Variants in DIS3L2 observed in about 807,000 individuals in gnomAD.
DIS3L2 encodes DIS3 like 3'-5' exoribonuclease 2.
DIS3L2 carries 34 observed loss-of-function variants against 97.5 expected under a neutral mutation model. The ratio of observed to expected loss-of-function variants is 0.35; its 90% CI spans 0.27 to 0.46. DIS3L2 has a LOEUF of 0.46. Ranked by LOEUF, DIS3L2 falls within the 20% of genes least tolerant of loss-of-function variation. The pLI is 1.00. For missense variants in DIS3L2, 1,038 were observed against 1,146.0 expected, an observed-to-expected ratio of 0.91 and a Z score of 1.36; for synonymous variants, 435 against 445.2, an observed-to-expected ratio of 0.98 and a Z score of 0.29.
At chr2:232,204,440 T>G (rs1691975753) in intron 9 of DIS3L2, among the ~76,000 whole-genome samples, 1 of 152,222 alleles carries the variant, frequency 6.6e-6, no homozygotes. Context: ...AGAAGTTTTC[T>G]GTCTCTTTAA....
rs114423043 is a variant in DIS3L2 at position 232,049,705 on chromosome 2, A to T, written c.366+19625A>T. On this transcript the variant is annotated intron_variant, in intron 5 of 20. Coordinates refer to ENST00000325385, the MANE Select transcript of DIS3L2 (RefSeq NM_152383.5). ...GATCAAATTTGCATTTATTTCTTTA[A>T]CTTTTACTTTTTGGTTTTCCATTTC... Among the ~76,000 whole-genome samples, 427 of 152,312 alleles carry T rather than the reference A, an allele frequency of 2.8e-3. 1 individual carries two copies. The highest frequency in any genetic ancestry group is 4.7e-3 in the Non-Finnish European group (317 of 68,024).
At chr2:232,017,339 T>A (rs1694384770) in intron 3 of DIS3L2, among the ~76,000 whole-genome samples, 2 of 152,146 alleles carry the variant, frequency 1.3e-5, no homozygotes, top group African/African-American at 4.8e-5. Flanking sequence ...CCTCAAGTGA[T>A]CCTCCTGCCT....
intron 4 of DIS3L2, among the ~76,000 whole-genome samples, chr2:232,024,579 C>T (rs1694607691): frequency 6.6e-6 from 1 of 152,182 alleles, no homozygotes; most frequent in South Asian, 2.1e-4. Context: ...CAGCTGGACC[C>T]AGGCAGACTA....
rs1695973827 is a variant in DIS3L2 at position 232,336,858 on chromosome 2, C to T, written c.*228C>T. ...CAGCAGTGACCCCAGCAGAGCAGGC[C>T]CCAGTCCTCCTGGGAGGCTGGCCCC... On this transcript the variant is annotated 3_prime_UTR_variant, in exon 21 of 21. Transcript: ENST00000325385. The T allele has an allele frequency of 7.3e-7, 1 of 1,367,052 alleles. No individual in the cohort carries two copies. The highest frequency in any genetic ancestry group is 3.0e-5 in the East Asian group (1 of 33,442). The allele number at this position is 1,367,052 out of a possible 1,614,324, so 84.7% of individuals were successfully genotyped here.
At chr2:232,287,800 C>T (rs972651321) in intron 13 of DIS3L2, among the ~76,000 whole-genome samples, 1 of 152,144 alleles carries the variant, frequency 6.6e-6, no homozygotes, top group Non-Finnish European at 1.5e-5. Flanking sequence ...CTTCACAATA[C>T]GCGTGGGTTC....
chr2:232,263,507 G>T, intron 13 of DIS3L2, 67 bp downstream of exon 13: 2 of 1,478,216 alleles, frequency 1.4e-6, no homozygotes, highest in South Asian at 1.2e-5. Context: ...GTGGATGAGC[G>T]CAGCTTGGCA....
At chr2:232,114,334 C>T (rs141256506) in intron 6 of DIS3L2, among the ~76,000 whole-genome samples, 85 of 151,464 alleles carry the variant, frequency 5.6e-4, no homozygotes, top group African/African-American at 1.5e-3. Context: ...CATGGTTCCA[C>T]GGCAGATCTG....
chr2:232,139,010 A>G (rs988181439), intron 8 of DIS3L2, among the ~76,000 whole-genome samples: 2 of 152,216 alleles, frequency 1.3e-5, no homozygotes, highest in African/African-American at 4.8e-5. Context: ...CAAGTTATGG[A>G]TTCGTTACTT....
chr2:232,270,025 A>G (rs1045501592), intron 13 of DIS3L2, among the ~76,000 whole-genome samples: 3 of 152,026 alleles, frequency 2.0e-5, no homozygotes, highest in Non-Finnish European at 4.4e-5. Context: ...TAGCAAATTG[A>G]CTCTCTTGAT....
intron 4 of DIS3L2, among the ~76,000 whole-genome samples, chr2:232,027,069 ACATT>A (rs1694679891): frequency 6.6e-6 from 1 of 152,192 alleles, no homozygotes; most frequent in Non-Finnish European, 1.5e-5. Flanking sequence ...GAACAGTCCT[ACATT>A]CTTGCTTTGT....
At chr2:232,230,670 T>C (rs1363328395) in intron 10 of DIS3L2, among the ~76,000 whole-genome samples, 1 of 152,218 alleles carries the variant, frequency 6.6e-6, no homozygotes, top group East Asian at 1.9e-4. Context: ...ATGGCATTAA[T>C]AGAGCCATGG....
intron 6 of DIS3L2, among the ~76,000 whole-genome samples, chr2:232,107,812 A>G (rs562701380): frequency 5.6e-4 from 85 of 152,338 alleles, no homozygotes; most frequent in African/African-American, 1.9e-3. Context: ...AGAAATAGAT[A>G]AATTCCTGGA....
chr2:232,185,058 C>T (rs1691398614), intron 9 of DIS3L2, among the ~76,000 whole-genome samples: 2 of 152,200 alleles, frequency 1.3e-5, no homozygotes, highest in African/African-American at 4.8e-5. Flanking sequence ...ATGACTCTGT[C>T]TCTCTGATGG....
chr2:232,249,334 T>A lies in DIS3L2; in HGVS notation c.1413T>A (p.Thr471=). 6.2e-7 allele frequency: 1 copy of A among 1,614,166 alleles called. No individual in the cohort carries two copies. Among genetic ancestry groups the A allele is most frequent in the Non-Finnish European group, 8.5e-7 (1 of 1,180,020 alleles). The change falls in exon 12 of 21, where the codon ACT becomes ACA. Residue 471 remains threonine, a synonymous_variant. Transcript: ENST00000325385. ...CCTTCTCTGTGATCTGGACACTGAC[T>A]CCAGAGGGCAAGGTAACAACTTACA... ...KLTFSVIWTL[T]PEGKILDEWF... is the part of the protein sequence containing the mutation.
At chr2:232,264,559 C>CA (rs147853441) in intron 13 of DIS3L2, among the ~76,000 whole-genome samples, 3,312 of 152,210 alleles carry the variant, frequency 0.022, 119 homozygotes, top group African/African-American at 0.074. Context: ...ATTTCTCACC[C>CA]AAACACTCCT....
intron 5 of DIS3L2, among the ~76,000 whole-genome samples, chr2:232,083,069 C>CG (rs1559608382): frequency 2.7e-4 from 1 of 3,650 alleles, no homozygotes; most frequent in East Asian, 0.1. Flanking sequence ...GAAAGACCCA[C>CG]CCCCCCATGA....
At chr2:232,309,869 C>G (rs946241203) in intron 14 of DIS3L2, among the ~76,000 whole-genome samples, 9 of 152,210 alleles carry the variant, frequency 5.9e-5, no homozygotes, top group Admixed American at 2.6e-4. Context: ...GATGCCTCTT[C>G]CTGGCTGCTG....
intron 6 of DIS3L2, among the ~76,000 whole-genome samples, chr2:232,116,760 T>C (rs1380785290): frequency 6.6e-6 from 1 of 152,200 alleles, no homozygotes. Flanking sequence ...ACAGATCTTA[T>C]TTAACATTTT....
At chr2:231,992,081 G>T (rs888673587) in intron 1 of DIS3L2, among the ~76,000 whole-genome samples, 1 of 152,170 alleles carries the variant, frequency 6.6e-6, no homozygotes, top group African/African-American at 2.4e-5. Context: ...CTGGACAGGC[G>T]TGAGACTGTT....
Sources: gnomAD v4.1 joint callset for allele counts (sites outside exome capture counted in the v4.1 genomes callset) on GRCh38, gnomAD v4.1.1 for gene constraint, MANE v1.5 for transcripts, NCBI Gene and HGNC (gene_info 2026-07-23, HGNC 2026-07-21) for gene names.